SORCS1: variants seen among roughly 807,000 people sequenced by gnomAD.
SORCS1 encodes sortilin related VPS10 domain containing receptor 1.
SORCS1 carries 60 observed loss-of-function variants against 146.1 expected under a neutral mutation model. The observed-to-expected ratio is 0.41, with a 90% CI of 0.33 to 0.51. The LOEUF (loss-of-function observed/expected upper bound fraction) is 0.51, where lower values mean the gene tolerates loss of function less well. Among genes scored for constraint, SORCS1 ranks in the 20% least tolerant of loss-of-function variants. The pLI, the probability that SORCS1 is intolerant of heterozygous loss-of-function variation, is 0.21. For synonymous variants in SORCS1, 637 were observed against 584.0 expected, an observed-to-expected ratio of 1.09 and a Z score of -1.31; for missense variants, 1,352 against 1,487.6, an observed-to-expected ratio of 0.91 and a Z score of 1.50.
intron 3 of SORCS1, among the ~76,000 whole-genome samples, chr10:106,781,892 G>A (rs1314826567): frequency 6.6e-6 from 1 of 151,988 alleles, no homozygotes; most frequent in African/African-American, 2.4e-5. Context: ...GGGGAGGAAG[G>A]GGATTAAAAA....
chr10:106,894,264 C>A (rs556532801), intron 2 of SORCS1, among the ~76,000 whole-genome samples: 1 of 108,614 alleles, frequency 9.2e-6, no homozygotes, highest in East Asian at 3.0e-4. Flanking sequence ...CGCGCGCGCA[C>A]GTGTGCGTGT....
At chr10:106,867,997 T>C (rs1012174704) in intron 2 of SORCS1, among the ~76,000 whole-genome samples, 1 of 151,988 alleles carries the variant, frequency 6.6e-6, no homozygotes, top group African/African-American at 2.4e-5. Flanking sequence ...AGGCTCAAAA[T>C]AAAGAAATGG....
chr10:106,929,755 G>A lies in SORCS1; in HGVS notation c.626+26758C>T, dbSNP rs938675239. Among the ~76,000 whole-genome samples the A allele has an allele frequency of 2.1e-5, 3 of 142,136 alleles. No homozygotes were observed. In the Admixed American group the frequency reaches 2.1e-4, roughly 10 times the overall value. 93.2% of individuals were successfully genotyped at this position (142,136 alleles called of 152,430 possible). A position where few individuals can be genotyped will look rare whatever the true frequency, so the allele number is the denominator to read the frequency against. ...CAAATGACCACACACAATTGTGAGG[G>A]CACAGGCATGTGCACGTGCACACAC... On this transcript the variant is annotated intron_variant, in intron 2 of 25. Coordinates refer to ENST00000263054, the MANE Select transcript of SORCS1 (RefSeq NM_052918.5).
At chr10:106,814,983 G>A (rs890532971) in intron 3 of SORCS1, among the ~76,000 whole-genome samples, 2 of 150,378 alleles carry the variant, frequency 1.3e-5, no homozygotes, top group African/African-American at 4.9e-5. Context: ...TTTTTGAGAC[G>A]GAGTCTCACT....
intron 6 of SORCS1, among the ~76,000 whole-genome samples, chr10:106,718,491 T>C (rs759579274): frequency 3.9e-5 from 6 of 152,160 alleles, no homozygotes; most frequent in Non-Finnish European, 7.3e-5. Flanking sequence ...TCGTGGTCTT[T>C]CTGACTTCAG....
At chr10:106,764,552 A>G (rs1859399723) in intron 4 of SORCS1, among the ~76,000 whole-genome samples, 1 of 152,090 alleles carries the variant, frequency 6.6e-6, no homozygotes, top group Admixed American at 6.5e-5. Context: ...TTTGACTGTC[A>G]GAACACGGAA....
chr10:107,130,258 A>C (rs928235161), intron 1 of SORCS1, among the ~76,000 whole-genome samples: 4 of 152,214 alleles, frequency 2.6e-5, no homozygotes, highest in African/African-American at 9.6e-5. Flanking sequence ...TTTAAAAAAA[A>C]TAGGTTTCTC....
chr10:106,861,426 G>A (rs1347750680), intron 2 of SORCS1, among the ~76,000 whole-genome samples: 2 of 148,712 alleles, frequency 1.3e-5, no homozygotes, highest in Non-Finnish European at 3.0e-5. Flanking sequence ...AAGAATATGC[G>A]AAAATAAATA....
chr10:106,838,460 T>C (rs114373742), intron 2 of SORCS1, among the ~76,000 whole-genome samples: 3,404 of 152,264 alleles, frequency 0.022, 113 homozygotes, highest in South Asian at 0.095. Flanking sequence ...GTCCACAGTT[T>C]ACATTAGGGT....
intron 1 of SORCS1, among the ~76,000 whole-genome samples, chr10:107,125,197 C>G (rs1026662738): frequency 6.6e-6 from 1 of 152,038 alleles, no homozygotes; most frequent in African/African-American, 2.4e-5. Context: ...ATAATCTGCA[C>G]GCCTTGGCCT....
At chr10:106,922,628 C>T (rs755912244) in intron 2 of SORCS1, among the ~76,000 whole-genome samples, 1 of 152,114 alleles carries the variant, frequency 6.6e-6, no homozygotes, top group Non-Finnish European at 1.5e-5. Flanking sequence ...CACACAGCCT[C>T]CCCTGCTATC....
At chr10:106,929,356 AAG>A (rs1953265934) in intron 2 of SORCS1, among the ~76,000 whole-genome samples, 2 of 152,224 alleles carry the variant, frequency 1.3e-5, no homozygotes, top group Non-Finnish European at 2.9e-5. Flanking sequence ...AAAGGAAAGA[AAG>A]AAAGAAGGGA....
chr10:106,602,095 C>G (rs1344238989), intron 23 of SORCS1, among the ~76,000 whole-genome samples: 5 of 152,136 alleles, frequency 3.3e-5, no homozygotes, highest in Non-Finnish European at 5.9e-5. Context: ...GTTTTAAGGA[C>G]AGTAGAGTAG....
rs1589537262 is a variant in SORCS1, at chr10:106,639,121, G to C, written c.2476-9733C>G. On this transcript the variant is annotated intron_variant, in intron 18 of 25. Transcript: ENST00000263054. ...CACATTAATGGTAGACCAGCTTGAG[G>C]ACTGAGCGGCTGAGCAGAGGGTCAT... is the stretch of plus-strand genomic sequence containing the variant. 5.3e-5 allele frequency among the ~76,000 whole-genome samples: 8 copies of C among 152,330 alleles called. 2 individuals are homozygous for C. Among genetic ancestry groups the C allele is most frequent in the Admixed American group, 5.2e-4 (8 of 15,300 alleles).
intron 19 of SORCS1, 65 bp from the exon 20 acceptor site, chr10:106,620,626 TCTGAA>T: frequency 6.5e-7 from 1 of 1,542,480 alleles, no homozygotes; most frequent in Non-Finnish European, 8.8e-7. Context: ...TCCTCCCTGC[TCTGAA>T]GAGATCACAC....
intron 9 of SORCS1, among the ~76,000 whole-genome samples, chr10:106,696,149 A>T (rs1853686368): frequency 6.6e-6 from 1 of 150,726 alleles, no homozygotes; most frequent in Admixed American, 6.6e-5. Context: ...AAGCAAACAA[A>T]GAACAAAGGC....
At position 106,822,782 on chromosome 10, in the gene SORCS1, G is replaced by GTTTTTTTTTTTTTTTTT. The variant is rs1158921880; in HGVS notation, c.726+6775_726+6791dup. On this transcript the variant is annotated intron_variant, in intron 3 of 25. Coordinates refer to ENST00000263054, the MANE Select transcript of SORCS1 (RefSeq NM_052918.5). Reference sequence around the variant, plus strand: ...CACTATGTCTCTGAATTCATGTGTGGTTTTTTTTTTTTTTTTTTTTGAATA... The same window carrying GTTTTTTTTTTTTTTTTT: ...CACTATGTCTCTGAATTCATGTGTGGTTTTTTTTTTTTTTTTTTTTTTTTTTTTTTTTTTTTTGAATA... Among the ~76,000 whole-genome samples, 29 of 113,148 alleles carry GTTTTTTTTTTTTTTTTT rather than the reference G, an allele frequency of 2.6e-4. 6 individuals are homozygous for GTTTTTTTTTTTTTTTTT. Among genetic ancestry groups the GTTTTTTTTTTTTTTTTT allele is most frequent in the East Asian group, 1.1e-3 (4 of 3,544 alleles). 74.2% of individuals were successfully genotyped at this position (113,148 alleles called of 152,430 possible).
intron 1 of SORCS1, among the ~76,000 whole-genome samples, chr10:107,075,765 C>T (rs139482363): frequency 1.3e-5 from 2 of 152,176 alleles, no homozygotes; most frequent in Non-Finnish European, 2.9e-5. Context: ...TTCAATCATT[C>T]TTTCTTGTTT....
intron 1 of SORCS1, among the ~76,000 whole-genome samples, chr10:107,064,909 A>G (rs1961588366): frequency 1.3e-5 from 2 of 152,184 alleles, no homozygotes; most frequent in South Asian, 4.1e-4. Context: ...AGTGAATTTC[A>G]GGGTTTGTGC....
Sources: allele counts gnomAD v4.1 joint callset (sites outside exome capture counted in the v4.1 genomes callset), GRCh38; gene constraint gnomAD v4.1.1; transcripts MANE v1.5; gene names NCBI Gene and HGNC (gene_info 2026-07-23, HGNC 2026-07-21).